Variants in SH2D6 observed in about 807,000 individuals in gnomAD.
SH2D6 encodes the protein SH2 domain-containing protein 6.
Under a neutral mutation model 30.2 loss-of-function variants are expected in SH2D6, and 31 were observed. The ratio of observed to expected loss-of-function variants is 1.03; its 90% CI spans 0.77 to 1.38. SH2D6 has a LOEUF of 1.38. Ranked by LOEUF, SH2D6 falls within the 40% of genes most tolerant of loss-of-function variation. The pLI, the probability that SH2D6 is intolerant of heterozygous loss-of-function variation, is 0.00. For synonymous variants in SH2D6, 93 were observed against 104.6 expected (o/e 0.89, Z 0.68); for missense variants, 240 against 266.8 (o/e 0.90, Z 0.70).
intron 19 of SH2D6, chr2:85,434,739 A>C: frequency 6.9e-7 from 1 of 1,443,354 alleles, no homozygotes; most frequent in Admixed American, 2.8e-5. Context: ...CAAGTTACTG[A>C]GGATGTCCCT....
intron 13 of SH2D6, among the ~76,000 whole-genome samples, chr2:85,431,687 C>T (rs1345614338): frequency 6.6e-6 from 1 of 152,222 alleles, no homozygotes; most frequent in East Asian, 1.9e-4. Flanking sequence ...AAGCTACTAC[C>T]TTTATCATAC....
In SH2D6 at chr2:85,422,617, G is replaced by C. The variant is rs185637696; in HGVS notation, c.-382G>C. ...CAAGGAGCCATGAGGAGTCACTCAA[G>C]GGTTTTAGGCAGAGCCGTGACACAA... On this transcript the variant is annotated 5_prime_UTR_variant, in exon 5 of 24. Transcript: ENST00000469800. The C allele has an allele frequency of 6.6e-6, 1 of 152,430 alleles. No homozygotes were observed. The highest frequency in any genetic ancestry group is 2.4e-5 in the African/African-American group (1 of 41,442). 9.4% of individuals were successfully genotyped at this position (152,430 alleles called of 1,614,324 possible). A position where few individuals can be genotyped will look rare whatever the true frequency, so the allele number is the denominator to read the frequency against.
chr2:85,428,216 A>G (rs1028754198), intron 6 of SH2D6, among the ~76,000 whole-genome samples: 1 of 152,154 alleles, frequency 6.6e-6, no homozygotes, highest in Non-Finnish European at 1.5e-5. Context: ...GAAGGTCACA[A>G]TTAGCACTGC....
chr2:85,433,309 C>T (rs1688983225), intron 15 of SH2D6, among the ~76,000 whole-genome samples, 188 bp downstream of exon 15: 1 of 152,236 alleles, frequency 6.6e-6, no homozygotes, highest in Non-Finnish European at 1.5e-5. Flanking sequence ...AGGGTGCCGC[C>T]CAGGGATCCT....
chr2:85,434,637 T>G, intron 19 of SH2D6, 140 bp downstream of exon 19: 2 of 966,882 alleles, frequency 2.1e-6, no homozygotes, highest in Admixed American at 2.8e-5. Context: ...AAAAAAAAAC[T>G]AGGTGAATGC....
At chr2:85,432,212 T>C (rs1310752424) in intron 14 of SH2D6, among the ~76,000 whole-genome samples, 3 of 137,454 alleles carry the variant, frequency 2.2e-5, no homozygotes, top group Admixed American at 2.1e-4. Flanking sequence ...AGAAGCAGAG[T>C]CTGCTCTTTT....
rs766084212 is a variant in SH2D6 at position 85,433,613 on chromosome 2, G to C, written c.436G>C (p.Glu146Gln). 2 of 1,013,154 alleles carry C rather than the reference G, an allele frequency of 2.0e-6. No individual in the cohort carries two copies. Among genetic ancestry groups the C allele is most frequent in the Non-Finnish European group, 2.4e-6 (2 of 847,052 alleles). 62.8% of individuals were successfully genotyped at this position (1,013,154 alleles called of 1,614,324 possible). A position where few individuals can be genotyped will look rare whatever the true frequency, so the allele number is the denominator to read the frequency against. ...GAAACCTGATGAGGACCTCTACTTG[G>C]AATGTGAGCCGGATCCAGGTGAGCC... ...PKKPDEDLYLECEPDPVLALT... is the reference protein window; with the variant it reads ...PKKPDEDLYLQCEPDPVLALT... The change falls in exon 16 of 24, where the codon GAA (glutamate) becomes CAA (glutamine). Residue 146 changes from glutamate (E) to glutamine (Q), a missense_variant. Transcript: ENST00000469800.
At chr2:85,427,562 A>G (rs1688154817) in intron 6 of SH2D6, among the ~76,000 whole-genome samples, 1 of 152,324 alleles carries the variant, frequency 6.6e-6, no homozygotes, top group African/African-American at 2.4e-5. Flanking sequence ...GAGTGAGGGC[A>G]GCATGGACTG....
chr2:85,435,004 C>T (rs1689250146), intron 19 of SH2D6, 61 bp from the exon 20 acceptor site: 1 of 1,534,578 alleles, frequency 6.5e-7, no homozygotes, highest in Non-Finnish European at 8.8e-7. Context: ...CCCTAGAAGC[C>T]ACCTTTGCCC....
At chr2:85,434,140 G>A (rs1689102151) in intron 17 of SH2D6, 29 bp downstream of exon 17, 1 of 1,547,488 alleles carries the variant, frequency 6.5e-7, no homozygotes, top group Admixed American at 2.0e-5. Flanking sequence ...GTGCACCTGT[G>A]TGTATGTATG....
At chr2:85,424,971 AAG>A (rs1687925526) in intron 5 of SH2D6, among the ~76,000 whole-genome samples, 3 of 151,432 alleles carry the variant, frequency 2.0e-5, no homozygotes, top group Admixed American at 2.0e-4. Context: ...GAGGCTGAAA[AAG>A]GAGAATCGCT....
chr2:85,427,252 A>T (rs768713540), intron 6 of SH2D6, among the ~76,000 whole-genome samples: 14 of 152,230 alleles, frequency 9.2e-5, no homozygotes, highest in Non-Finnish European at 1.8e-4. Flanking sequence ...GTGGGGCGTT[A>T]TACCTTCAAA....
chr2:85,434,527 G>A (rs1689162845), intron 19 of SH2D6, 30 bp downstream of exon 19: 2 of 1,546,356 alleles, frequency 1.3e-6, no homozygotes, highest in Non-Finnish European at 1.7e-6. Context: ...AAGGTAGTGA[G>A]TTATCCCAAC....
At chr2:85,433,924 A>G in intron 16 of SH2D6, 109 bp from the exon 17 acceptor site, 1 of 993,950 alleles carries the variant, frequency 1.0e-6, no homozygotes, top group Non-Finnish European at 1.5e-6. Context: ...CAGAAAGTCC[A>G]GGCTGCAGAG....
chr2:85,423,503 G>C (rs1347766433), intron 5 of SH2D6, among the ~76,000 whole-genome samples: 2 of 152,182 alleles, frequency 1.3e-5, no homozygotes, highest in Admixed American at 1.3e-4. Context: ...AAAGTGCTGG[G>C]GTTAGAGGTG....
rs1265096921 is a variant in SH2D6 at position 85,425,297 on chromosome 2, T to C, written c.-308-11T>C. The C allele has an allele frequency of 2.0e-5, 3 of 147,166 alleles. No individual in the cohort carries two copies. Among genetic ancestry groups the C allele is most frequent in the African/African-American group, 7.5e-5 (3 of 39,916 alleles). 9.1% of individuals were successfully genotyped at this position (147,166 alleles called of 1,614,324 possible). On this transcript the variant is annotated splice_polypyrimidine_tract_variant and intron_variant, in intron 5 of 23. Transcript: ENST00000469800. ...TTTTTTTTGAGACTGTGTTTCACTCTTACTGCCCAGGTTTGAGAGCAATGG... is the reference window on the plus strand; with the variant it reads ...TTTTTTTTGAGACTGTGTTTCACTCCTACTGCCCAGGTTTGAGAGCAATGG...
intron 19 of SH2D6, chr2:85,434,852 C>G: frequency 6.7e-7 from 1 of 1,502,376 alleles, no homozygotes. Flanking sequence ...CCCAAGATCA[C>G]GCCTCATTTG....
At chr2:85,420,092 T>TTTTG (rs141668785) in intron 2 of SH2D6, among the ~76,000 whole-genome samples, 8,952 of 151,790 alleles carry the variant, frequency 0.059, 378 homozygotes, top group Non-Finnish European at 0.083. Context: ...GCCCGTTCTG[T>TTTTG]TTTGTTTGTT....
intron 14 of SH2D6, among the ~76,000 whole-genome samples, chr2:85,432,662 A>C (rs1178164580): frequency 2.6e-5 from 4 of 151,944 alleles, no homozygotes; most frequent in African/African-American, 9.7e-5. Flanking sequence ...GGCCTCCCAA[A>C]GTGCTGGGAT....
Sources: gnomAD v4.1 joint callset for allele counts (sites outside exome capture counted in the v4.1 genomes callset) on GRCh38, gnomAD v4.1.1 for gene constraint, MANE v1.5 for transcripts, NCBI Gene and HGNC (gene_info 2026-07-23, HGNC 2026-07-21) for gene names.